Variants in HS3ST4 observed in about 807,000 individuals in gnomAD.
The protein encoded by HS3ST4 is heparan sulfate glucosamine 3-O-sulfotransferase 4.
A neutral mutation model predicts 29.2 loss-of-function variants in HS3ST4; 17 were observed. That is an observed-to-expected ratio of 0.58 (90% confidence interval 0.40 to 0.87). HS3ST4 has a LOEUF of 0.87. Among genes scored for constraint, HS3ST4 ranks in the 40% least tolerant of loss-of-function variants. HS3ST4 has a pLI of 0.00. For synonymous variants in HS3ST4, 314 were observed against 285.7 expected (o/e 1.10, Z -1.00); for missense variants, 627 against 634.5 (o/e 0.99, Z 0.13).
chr16:25,714,992 T>G (rs116087682), intron 1 of HS3ST4, among the ~76,000 whole-genome samples: 7,489 of 152,316 alleles, frequency 0.049, 202 homozygotes, highest in Non-Finnish European at 0.059. Context: ...GAGACCTCCA[T>G]GTATTCCCCC....
chr16:25,801,883 AT>A (rs1966939067), intron 1 of HS3ST4, among the ~76,000 whole-genome samples: 1 of 151,396 alleles, frequency 6.6e-6, no homozygotes, highest in Non-Finnish European at 1.5e-5. Context: ...TTATGTATAT[AT>A]TTTTGTTTCT....
chr16:26,076,535 A>G (rs951899582), intron 1 of HS3ST4, among the ~76,000 whole-genome samples: 6 of 152,194 alleles, frequency 3.9e-5, no homozygotes, highest in African/African-American at 1.4e-4. Flanking sequence ...GAGCTAAGGA[A>G]GCATAGTGAT....
chr16:26,088,296 T>A (rs1187190767), intron 1 of HS3ST4, among the ~76,000 whole-genome samples: 1 of 152,218 alleles, frequency 6.6e-6, no homozygotes, highest in Non-Finnish European at 1.5e-5. Context: ...CCAGGGATTG[T>A]GGTGATAGTT....
intron 1 of HS3ST4, among the ~76,000 whole-genome samples, chr16:26,038,202 C>T (rs1401864487): frequency 1.3e-5 from 2 of 152,130 alleles, no homozygotes; most frequent in Non-Finnish European, 2.9e-5. Context: ...CTGGAATGCT[C>T]TTCCCCGATT....
chr16:25,972,686 AT>A (rs1311474942), intron 1 of HS3ST4, among the ~76,000 whole-genome samples: 3 of 152,116 alleles, frequency 2.0e-5, no homozygotes, highest in Non-Finnish European at 4.4e-5. Flanking sequence ...ACATCCCATC[AT>A]TTTTGCATAT....
At chr16:25,965,221 A>G (rs1596628985) in intron 1 of HS3ST4, among the ~76,000 whole-genome samples, 1 of 152,014 alleles carries the variant, frequency 6.6e-6, no homozygotes, top group African/African-American at 2.4e-5. Flanking sequence ...AGTGAGTGGA[A>G]CATTGGCCTC....
At chr16:25,871,083 C>T (rs1281195012) in intron 1 of HS3ST4, among the ~76,000 whole-genome samples, 2 of 152,052 alleles carry the variant, frequency 1.3e-5, no homozygotes, top group African/African-American at 4.8e-5. Flanking sequence ...TTTGGATCTT[C>T]CAAGATGCAG....
At chr16:25,727,513 G>C (rs1349114703) in intron 1 of HS3ST4, among the ~76,000 whole-genome samples, 1 of 152,100 alleles carries the variant, frequency 6.6e-6, no homozygotes, top group Non-Finnish European at 1.5e-5. Flanking sequence ...TATCCATCAG[G>C]GAAAAAATAA....
chr16:25,819,102 C>G (rs541108806), intron 1 of HS3ST4, among the ~76,000 whole-genome samples: 1 of 152,104 alleles, frequency 6.6e-6, no homozygotes, highest in African/African-American at 2.4e-5. Context: ...CTTTGCTGAT[C>G]GGACCACCAT....
chr16:25,720,036 A>C (rs568475224), intron 1 of HS3ST4, among the ~76,000 whole-genome samples: 7 of 152,318 alleles, frequency 4.6e-5, no homozygotes, highest in Admixed American at 3.9e-4. Context: ...TAAACAGGTA[A>C]ATTTATAATA....
At chr16:26,066,806 T>C (rs141610229) in intron 1 of HS3ST4, among the ~76,000 whole-genome samples, 1 of 152,356 alleles carries the variant, frequency 6.6e-6, no homozygotes, top group East Asian at 1.9e-4. Context: ...CTCTACATTC[T>C]TTCTATGACC....
chr16:25,987,776 A>AT (rs200029182), intron 1 of HS3ST4, among the ~76,000 whole-genome samples: 273 of 149,086 alleles, frequency 1.8e-3, no homozygotes, highest in African/African-American at 5.4e-3. Context: ...TGATTAATTG[A>AT]TTTTTTTTTT....
intron 1 of HS3ST4, among the ~76,000 whole-genome samples, chr16:25,986,612 T>A (rs1176588603): frequency 6.6e-6 from 1 of 152,238 alleles, no homozygotes; most frequent in Admixed American, 6.5e-5. Flanking sequence ...AAAAATGTTA[T>A]TTTAGTCCTG....
intron 1 of HS3ST4, among the ~76,000 whole-genome samples, chr16:26,091,553 G>T (rs1033004232): frequency 2.0e-5 from 3 of 152,140 alleles, no homozygotes; most frequent in African/African-American, 7.2e-5. Context: ...ATACCATGGG[G>T]TCTAGCTTTC....
At chr16:26,044,368 G>C (rs1429185511) in intron 1 of HS3ST4, among the ~76,000 whole-genome samples, 3 of 152,240 alleles carry the variant, frequency 2.0e-5, no homozygotes, top group Non-Finnish European at 4.4e-5. Flanking sequence ...GGAGAGGGGA[G>C]AAGGGCTGGT....
At chr16:26,073,818 C>G (rs1266926203) in intron 1 of HS3ST4, among the ~76,000 whole-genome samples, 6 of 152,164 alleles carry the variant, frequency 3.9e-5, no homozygotes. Flanking sequence ...CTGACAGTTG[C>G]TACCTGTGTC....
intron 1 of HS3ST4, among the ~76,000 whole-genome samples, chr16:26,096,505 C>G (rs944333064): frequency 1.3e-5 from 2 of 152,184 alleles, no homozygotes; most frequent in Admixed American, 6.5e-5. Context: ...ACATGATTAT[C>G]TCAATAGATG....
intron 1 of HS3ST4, among the ~76,000 whole-genome samples, chr16:25,868,724 G>T (rs1372793282): frequency 2.6e-5 from 4 of 152,160 alleles, no homozygotes; most frequent in Admixed American, 2.6e-4. Flanking sequence ...AACTGGTTAG[G>T]AATCAAGAGA....
At chr16:25,743,099 A>T (rs1377735526) in intron 1 of HS3ST4, among the ~76,000 whole-genome samples, 2 of 152,198 alleles carry the variant, frequency 1.3e-5, no homozygotes, top group Non-Finnish European at 2.9e-5. Context: ...GTTAGCTGTC[A>T]AAGTCTCTTC....
Sources: allele counts gnomAD v4.1 joint callset (sites outside exome capture counted in the v4.1 genomes callset), GRCh38; gene constraint gnomAD v4.1.1; transcripts MANE v1.5; gene names NCBI Gene and HGNC (gene_info 2026-07-23, HGNC 2026-07-21).